The following XYLT1 variants were observed in gnomAD, a reference collection of about 807,000 sequenced individuals.
XYLT1 encodes xylosyltransferase 1.
Under a neutral mutation model 91.3 loss-of-function variants are expected in XYLT1, and 36 were observed. The observed-to-expected ratio is 0.39, with a 90% CI of 0.30 to 0.52. The LOEUF is 0.52. Ranked by LOEUF, XYLT1 falls within the 20% of genes least tolerant of loss-of-function variation. The pLI, the probability that XYLT1 is intolerant of heterozygous loss-of-function variation, is 0.68. For synonymous variants in XYLT1, 588 were observed against 532.0 expected (o/e 1.11, Z -1.45); for missense variants, 1,242 against 1,284.5 (o/e 0.97, Z 0.51).
At chr16:17,183,848 C>T (rs1321200186) in intron 5 of XYLT1, among the ~76,000 whole-genome samples, 5 of 151,998 alleles carry the variant, frequency 3.3e-5, no homozygotes, top group African/African-American at 1.2e-4. Context: ...CCACAGAGTC[C>T]GTCTGTGTGC....
chr16:17,214,358 C>T (rs1415139770), intron 3 of XYLT1, among the ~76,000 whole-genome samples: 1 of 152,210 alleles, frequency 6.6e-6, no homozygotes, highest in Non-Finnish European at 1.5e-5. Context: ...AGCTCATCAT[C>T]AGTAAAATAG....
chr16:17,370,313 C>T (rs564885940), intron 1 of XYLT1, among the ~76,000 whole-genome samples: 2 of 152,184 alleles, frequency 1.3e-5, no homozygotes, highest in African/African-American at 2.4e-5. Flanking sequence ...TCCCATTTGG[C>T]GGATCCAAAG....
intron 1 of XYLT1, among the ~76,000 whole-genome samples, chr16:17,428,689 C>T (rs2036349336): frequency 6.6e-6 from 1 of 152,200 alleles, no homozygotes. Flanking sequence ...CATCCCCTTG[C>T]CGCCAGGGGT....
chr16:17,396,910 A>G (rs1161087376), intron 1 of XYLT1, among the ~76,000 whole-genome samples: 1 of 152,174 alleles, frequency 6.6e-6, no homozygotes, highest in Non-Finnish European at 1.5e-5. Context: ...AATGATTACC[A>G]TCCCATACCA....
At chr16:17,176,445 A>G (rs1388984136) in intron 5 of XYLT1, among the ~76,000 whole-genome samples, 3 of 152,256 alleles carry the variant, frequency 2.0e-5, no homozygotes, top group Non-Finnish European at 4.4e-5. Flanking sequence ...GTTGAGCAAC[A>G]TGCCCAAGGG....
intron 2 of XYLT1, among the ~76,000 whole-genome samples, chr16:17,294,140 A>AG (rs1325459946): frequency 3.9e-5 from 6 of 152,140 alleles, no homozygotes; most frequent in African/African-American, 1.4e-4. Flanking sequence ...GTTCCTCTGA[A>AG]GGGGTCCCCT....
intron 1 of XYLT1, among the ~76,000 whole-genome samples, chr16:17,361,616 T>C (rs1168973023): frequency 1.3e-5 from 2 of 152,188 alleles, no homozygotes; most frequent in African/African-American, 2.4e-5. Context: ...CTAGCTCTAT[T>C]ATTACATCAA....
intron 8 of XYLT1, among the ~76,000 whole-genome samples, chr16:17,135,471 G>A (rs556294064): frequency 1.3e-5 from 2 of 151,626 alleles, no homozygotes; most frequent in South Asian, 2.1e-4. Flanking sequence ...GCAGTGAGCC[G>A]AGACTGCCGC....
At position 17,382,884 on chromosome 16, in the gene XYLT1, G is replaced by A. The variant is rs188996032; in HGVS notation, c.364-24834C>T. ...CCCATTACCCAGGTGAGGAAACTGAGGTACAGAGAAATGAAGCAACATACT... is the reference window on the plus strand; with the variant it reads ...CCCATTACCCAGGTGAGGAAACTGAAGTACAGAGAAATGAAGCAACATACT... On this transcript the variant is annotated intron_variant, in intron 1 of 11. Transcript: ENST00000261381. 2.5e-3 allele frequency among the ~76,000 whole-genome samples: 383 copies of A among 151,966 alleles called. 4 individuals are homozygous for A. Among genetic ancestry groups the A allele is most frequent in the Non-Finnish European group, 3.0e-3 (203 of 68,018 alleles).
intron 2 of XYLT1, among the ~76,000 whole-genome samples, chr16:17,272,594 AGATTTCATCTAAAACTTTG>A (rs2033914125): frequency 6.6e-6 from 1 of 152,146 alleles, no homozygotes. Context: ...CAAAATCTAG[AGATTTCATCTAAAACTTTG>A]GATTTCTGCC....
chr16:17,456,748 C>T (rs980478975), intron 1 of XYLT1, among the ~76,000 whole-genome samples: 15 of 152,162 alleles, frequency 9.9e-5, no homozygotes, highest in African/African-American at 2.7e-4. Context: ...TCCTGAGTCA[C>T]GCTGGCTGAG....
chr16:17,354,688 C>G (rs775943132), intron 2 of XYLT1: 6 of 152,258 alleles, frequency 3.9e-5, no homozygotes, highest in Non-Finnish European at 5.9e-5. Context: ...CAGGGTACAT[C>G]TGTCACCTAA....
At chr16:17,354,323 G>C (rs892440116) in intron 2 of XYLT1, among the ~76,000 whole-genome samples, 1 of 152,170 alleles carries the variant, frequency 6.6e-6, no homozygotes, top group Admixed American at 6.5e-5. Flanking sequence ...CAGATGCAAA[G>C]CTCTGCTGTG....
At chr16:17,382,277 C>T (rs2035692004) in intron 1 of XYLT1, among the ~76,000 whole-genome samples, 1 of 151,718 alleles carries the variant, frequency 6.6e-6, no homozygotes, top group South Asian at 2.1e-4. Flanking sequence ...CACGGTGGGC[C>T]CATTTCAGCA....
intron 1 of XYLT1, among the ~76,000 whole-genome samples, chr16:17,381,398 A>C (rs985427100): frequency 3.9e-5 from 6 of 152,042 alleles, no homozygotes; most frequent in African/African-American, 1.4e-4. Flanking sequence ...AAAAGAAAAA[A>C]AAGAACAAAT....
At chr16:17,299,094 T>C (rs938652180) in intron 2 of XYLT1, among the ~76,000 whole-genome samples, 2 of 152,196 alleles carry the variant, frequency 1.3e-5, no homozygotes, top group Non-Finnish European at 2.9e-5. Context: ...CTTTTTTATG[T>C]CCCTTCAGTA....
intron 1 of XYLT1, among the ~76,000 whole-genome samples, chr16:17,374,496 C>T (rs1012926574): frequency 6.6e-6 from 1 of 152,162 alleles, no homozygotes; most frequent in South Asian, 2.1e-4. Context: ...AGTGAATCAG[C>T]ACACTGAAGA....
intron 3 of XYLT1, among the ~76,000 whole-genome samples, chr16:17,248,837 T>C (rs2033488386): frequency 6.8e-6 from 1 of 146,666 alleles, no homozygotes; most frequent in Non-Finnish European, 1.5e-5. Context: ...AACCTCCTCC[T>C]CCCGGGCTAA....
rs2030939967 is a variant in XYLT1, at chr16:17,140,607, G to C, written c.1587+546C>G. ...ACTCTGGAGGTAGAGGTTGCAGTGA[G>C]CAGAGACTGTGCCACTGCAGTCCAG... On this transcript the variant is annotated intron_variant, in intron 7 of 11. Transcript: ENST00000261381. Among the ~76,000 whole-genome samples, 3 of 139,344 alleles carry C rather than the reference G, an allele frequency of 2.2e-5. No individual in the cohort carries two copies. The South Asian group carries it at 6.9e-4, about 32-fold the overall frequency. The allele number at this position is 139,344 out of a possible 152,430, so 91.4% of individuals were successfully genotyped here.
Sources: allele counts gnomAD v4.1 joint callset (sites outside exome capture counted in the v4.1 genomes callset), GRCh38; gene constraint gnomAD v4.1.1; transcripts MANE v1.5; gene names NCBI Gene and HGNC (gene_info 2026-07-23, HGNC 2026-07-21).